CCBE1: variants seen among roughly 807,000 people sequenced by gnomAD.
The protein encoded by CCBE1 is collagen and calcium binding EGF domains 1.
Under a neutral mutation model 50.0 loss-of-function variants are expected in CCBE1, and 37 were observed. That is an observed-to-expected ratio of 0.74 (90% CI 0.57 to 0.97). The LOEUF (loss-of-function observed/expected upper bound fraction) is 0.97. Ranked by LOEUF, CCBE1 falls within the 50% of genes least tolerant of loss-of-function variation. CCBE1 has a pLI of 0.00. For synonymous variants in CCBE1, 234 were observed against 203.7 expected (o/e 1.15, Z -1.27); for missense variants, 538 against 523.8 (o/e 1.03, Z -0.26).
intron 2 of CCBE1, among the ~76,000 whole-genome samples, chr18:59,508,783 C>T (rs1268171185): frequency 7.6e-6 from 1 of 131,060 alleles, no homozygotes; most frequent in African/African-American, 3.0e-5. Context: ...GTAGGGCCAT[C>T]ATGGCTCACT....
chr18:59,443,246 T>C (rs1381422767), intron 7 of CCBE1, among the ~76,000 whole-genome samples: 1 of 152,188 alleles, frequency 6.6e-6, no homozygotes, highest in East Asian at 1.9e-4. Flanking sequence ...TCCCCACTTG[T>C]GTGTGGAACA....
At chr18:59,622,071 A>G (rs2144607606) in intron 2 of CCBE1, among the ~76,000 whole-genome samples, 1 of 152,348 alleles carries the variant, frequency 6.6e-6, no homozygotes, top group African/African-American at 2.4e-5. Context: ...AATAATTCAA[A>G]GTCCACCTTC....
chr18:59,628,068 TC>T (rs2053810062), intron 2 of CCBE1, among the ~76,000 whole-genome samples: 1 of 151,904 alleles, frequency 6.6e-6, no homozygotes, highest in African/African-American at 2.4e-5. Flanking sequence ...CAAAAAATTA[TC>T]CGAGTGTGGT....
At chr18:59,576,550 G>A (rs1364578899) in intron 2 of CCBE1, among the ~76,000 whole-genome samples, 1 of 152,214 alleles carries the variant, frequency 6.6e-6, no homozygotes, top group Non-Finnish European at 1.5e-5. Flanking sequence ...AGTGGACAAA[G>A]GCATAAGACT....
In CCBE1 at chr18:59,476,009, C is replaced by T. The variant is rs141235531; in HGVS notation, c.265+4177G>A. 6.8e-4 allele frequency among the ~76,000 whole-genome samples: 103 copies of T among 152,298 alleles called. 1 individual carries two copies. In the East Asian group the frequency reaches 0.019, roughly 28 times the overall value. On this transcript the variant is annotated intron_variant, in intron 3 of 10. Transcript: ENST00000439986. ...TTGGGATTACAGGCGTGAGCCACTGCGGCTGGCTACTCTTCCACATTTACT... is the reference window on the plus strand; with the variant it reads ...TTGGGATTACAGGCGTGAGCCACTGTGGCTGGCTACTCTTCCACATTTACT...
chr18:59,572,567 A>G lies in CCBE1; in HGVS notation c.213-92329T>C, dbSNP rs947616640. On this transcript the variant is annotated intron_variant, in intron 2 of 10. Coordinates refer to ENST00000439986, the MANE Select transcript of CCBE1 (RefSeq NM_133459.4). ...ATCCTCTATCACAGTTTTATATCAC[A>G]TTGTTCAAAAAATCTGCTTTATGAG... is the stretch of plus-strand genomic sequence containing the variant. Among the ~76,000 whole-genome samples, 14 of 152,350 alleles carry G rather than the reference A, an allele frequency of 9.2e-5. No homozygotes were observed. In the South Asian group the frequency reaches 2.9e-3, roughly 32 times the overall value.
chr18:59,681,611 C>A (rs907796150), intron 2 of CCBE1, among the ~76,000 whole-genome samples: 1 of 152,198 alleles, frequency 6.6e-6, no homozygotes, highest in Non-Finnish European at 1.5e-5. Flanking sequence ...TGCGAGCCAG[C>A]CAGTGGCCAG....
intron 3 of CCBE1, among the ~76,000 whole-genome samples, chr18:59,473,048 C>T (rs564437000): frequency 2.0e-5 from 3 of 152,050 alleles, no homozygotes; most frequent in East Asian, 1.9e-4. Context: ...TATTACAGTT[C>T]GATGTGAGAT....
chr18:59,682,686 A>T (rs1164699076), intron 2 of CCBE1, among the ~76,000 whole-genome samples: 1 of 152,212 alleles, frequency 6.6e-6, no homozygotes, highest in Non-Finnish European at 1.5e-5. Flanking sequence ...TGTAGAATAA[A>T]CCCATTTCTG....
chr18:59,553,806 A>G (rs1916014429), intron 2 of CCBE1, among the ~76,000 whole-genome samples: 1 of 152,152 alleles, frequency 6.6e-6, no homozygotes, highest in South Asian at 2.1e-4. Flanking sequence ...CTCTGCCACC[A>G]CTATGGCGAC....
intron 2 of CCBE1, among the ~76,000 whole-genome samples, chr18:59,612,890 G>A (rs774161353): frequency 2.8e-5 from 4 of 144,198 alleles, no homozygotes; most frequent in Non-Finnish European, 4.5e-5. Context: ...GAACAAAGAT[G>A]TGGGAATAAG....
At chr18:59,569,921 G>T in intron 2 of CCBE1, among the ~76,000 whole-genome samples, 1 of 152,170 alleles carries the variant, frequency 6.6e-6, no homozygotes, top group East Asian at 1.9e-4. Context: ...GTGAACCACT[G>T]CACCCGGCCT....
chr18:59,685,251 T>G (rs1463279219), intron 2 of CCBE1, among the ~76,000 whole-genome samples: 1 of 152,112 alleles, frequency 6.6e-6, no homozygotes, highest in Non-Finnish European at 1.5e-5. Context: ...ATGGCTCAGC[T>G]TAAGAAACCA....
At chr18:59,594,909 C>A (rs948996380) in intron 2 of CCBE1, among the ~76,000 whole-genome samples, 2 of 151,958 alleles carry the variant, frequency 1.3e-5, no homozygotes, top group East Asian at 3.9e-4. Context: ...GTCAAGAGAA[C>A]AAGATCAGCC....
intron 2 of CCBE1, among the ~76,000 whole-genome samples, chr18:59,510,177 G>GCC (rs1914069595): frequency 6.6e-6 from 1 of 152,160 alleles, no homozygotes; most frequent in South Asian, 2.1e-4. Flanking sequence ...TATTTTTCCT[G>GCC]CAAGTCCATT....
intron 2 of CCBE1, among the ~76,000 whole-genome samples, chr18:59,547,470 C>T (rs1915751915): frequency 6.6e-6 from 1 of 151,972 alleles, no homozygotes; most frequent in Non-Finnish European, 1.5e-5. Flanking sequence ...AGAAAATTGG[C>T]CCCAGGGAGA....
intron 2 of CCBE1, among the ~76,000 whole-genome samples, chr18:59,540,144 T>C (rs1244740328): frequency 6.6e-6 from 1 of 152,204 alleles, no homozygotes; most frequent in East Asian, 1.9e-4. Flanking sequence ...AATTCACTAA[T>C]ACTATCTCTG....
chr18:59,495,798 G>A (rs1913329456), intron 2 of CCBE1, among the ~76,000 whole-genome samples: 1 of 152,112 alleles, frequency 6.6e-6, no homozygotes, highest in Non-Finnish European at 1.5e-5. Flanking sequence ...AGGGGGCACT[G>A]CGGCCGCCCT....
intron 2 of CCBE1, among the ~76,000 whole-genome samples, chr18:59,683,055 G>C (rs751372076): frequency 7.9e-5 from 12 of 152,290 alleles, no homozygotes; most frequent in South Asian, 2.1e-4. Flanking sequence ...TGGGATGGTA[G>C]AAAAAGTGAT....
Sources: gnomAD v4.1 joint callset for allele counts (sites outside exome capture counted in the v4.1 genomes callset) on GRCh38, gnomAD v4.1.1 for gene constraint, MANE v1.5 for transcripts, NCBI Gene and HGNC (gene_info 2026-07-23, HGNC 2026-07-21) for gene names.